Variants in EPHA6 observed in about 807,000 individuals in gnomAD.
EPHA6 encodes the protein EPH receptor A6, also known as ephrin type-A receptor 6.
EPHA6 carries 50 observed loss-of-function variants against 112.0 expected under a neutral mutation model. The observed-to-expected ratio is 0.45, with a 90% CI of 0.36 to 0.56. EPHA6 has a LOEUF of 0.56. Ranked by LOEUF, EPHA6 falls within the 20% of genes least tolerant of loss-of-function variation. The pLI is 0.00. For missense variants in EPHA6, 1,280 were observed against 1,417.4 expected (o/e 0.90, Z 1.56); for synonymous variants, 529 against 490.7 (o/e 1.08, Z -1.03).
At chr3:97,231,259 A>G (rs148697074) in intron 4 of EPHA6, among the ~76,000 whole-genome samples, 85 of 152,310 alleles carry the variant, frequency 5.6e-4, no homozygotes, top group Admixed American at 1.1e-3. Context: ...GTCCAGACCC[A>G]GGAAGCTTTC....
At chr3:96,896,448 G>C (rs2038274839) in intron 2 of EPHA6, among the ~76,000 whole-genome samples, 1 of 152,110 alleles carries the variant, frequency 6.6e-6, no homozygotes, top group Non-Finnish European at 1.5e-5. Context: ...AGTGGGCAAT[G>C]AAATGGTGTA....
chr3:96,963,253 C>A (rs567022187), intron 2 of EPHA6, among the ~76,000 whole-genome samples: 1 of 150,684 alleles, frequency 6.6e-6, no homozygotes, highest in South Asian at 2.1e-4. Context: ...GCAAAGAAAA[C>A]GTTTTCATTT....
At chr3:97,343,343 G>A (rs2083400643) in intron 5 of EPHA6, among the ~76,000 whole-genome samples, 2 of 152,124 alleles carry the variant, frequency 1.3e-5, no homozygotes, top group Non-Finnish European at 2.9e-5. Flanking sequence ...GAAGTTGGGT[G>A]TTTAATTGAG....
At chr3:97,578,785 T>A (rs1426072107) in intron 11 of EPHA6, among the ~76,000 whole-genome samples, 7 of 152,204 alleles carry the variant, frequency 4.6e-5, no homozygotes, top group Admixed American at 2.0e-4. Flanking sequence ...ATTTAAAAAA[T>A]TTCAGGGAAC....
intron 2 of EPHA6, among the ~76,000 whole-genome samples, chr3:96,934,364 A>C (rs963627048): frequency 1.3e-5 from 2 of 151,668 alleles, no homozygotes; most frequent in African/African-American, 2.4e-5. Context: ...TTATTATTAA[A>C]TATATTAGCA....
At chr3:97,511,842 T>C (rs189683399) in intron 10 of EPHA6, among the ~76,000 whole-genome samples, 1 of 152,314 alleles carries the variant, frequency 6.6e-6, no homozygotes, top group Admixed American at 6.5e-5. Flanking sequence ...GCCCAGCACA[T>C]ATTTCATTAG....
chr3:96,887,045 A>G (rs1575927585), intron 2 of EPHA6, among the ~76,000 whole-genome samples: 4 of 152,154 alleles, frequency 2.6e-5, no homozygotes, highest in Admixed American at 2.6e-4. Flanking sequence ...TCCCTCCCTG[A>G]TTAGCTTATT....
intron 3 of EPHA6, among the ~76,000 whole-genome samples, chr3:97,187,580 G>A (rs553157552): frequency 2.2e-5 from 1 of 45,320 alleles, no homozygotes; most frequent in Non-Finnish European, 5.0e-5. Context: ...GTCTCAAAAC[G>A]TCAAAAAAAA....
intron 4 of EPHA6, among the ~76,000 whole-genome samples, chr3:97,228,578 T>TTATA (rs34508672): frequency 2.9e-4 from 44 of 149,582 alleles, no homozygotes; most frequent in Admixed American, 1.3e-3. Flanking sequence ...CATATAAATG[T>TTATA]TATATATATA....
intron 3 of EPHA6, among the ~76,000 whole-genome samples, chr3:97,067,710 A>G (rs1459007436): frequency 6.6e-6 from 1 of 152,110 alleles, no homozygotes; most frequent in Admixed American, 6.6e-5. Context: ...ATGAGGAACA[A>G]GAATAAGACA....
chr3:97,273,125 A>G lies in EPHA6; in HGVS notation c.1606+28838A>G, dbSNP rs559540689. Among the ~76,000 whole-genome samples the G allele has an allele frequency of 3.0e-4, 46 of 152,266 alleles. 1 individual carries two copies. In the East Asian group the frequency reaches 6.6e-3, roughly 22 times the overall value. ...GGTGATGGCCTGGATATGGTTTTGTATGAATTGAAAAACTAAACAGAATAA... is the reference window on the plus strand; with the variant it reads ...GGTGATGGCCTGGATATGGTTTTGTGTGAATTGAAAAACTAAACAGAATAA... On this transcript the variant is annotated intron_variant, in intron 5 of 17. Transcript: ENST00000389672.
chr3:97,678,267 A>C (rs1436735096), intron 14 of EPHA6, among the ~76,000 whole-genome samples: 1 of 152,178 alleles, frequency 6.6e-6, no homozygotes, highest in Middle Eastern at 3.2e-3. Context: ...ATGACATGAA[A>C]ATTGTGCAGA....
intron 7 of EPHA6, among the ~76,000 whole-genome samples, chr3:97,457,948 G>C (rs1577467285): frequency 6.6e-6 from 1 of 151,350 alleles, no homozygotes; most frequent in Non-Finnish European, 1.5e-5. Flanking sequence ...GGCGCCAGTA[G>C]TCCCAGCTAC....
chr3:97,052,415 A>T (rs984590709), intron 3 of EPHA6, among the ~76,000 whole-genome samples: 4 of 151,678 alleles, frequency 2.6e-5, no homozygotes, highest in South Asian at 2.1e-4. Flanking sequence ...AAAGACTTTA[A>T]TTTTTTTTTC....
intron 6 of EPHA6, among the ~76,000 whole-genome samples, chr3:97,442,091 T>G (rs1323169233): frequency 6.6e-6 from 1 of 152,112 alleles, no homozygotes; most frequent in Non-Finnish European, 1.5e-5. Context: ...CAAGGCAACT[T>G]AGAAACAAGA....
chr3:97,142,076 C>T (rs887711231), intron 3 of EPHA6, among the ~76,000 whole-genome samples: 2 of 151,834 alleles, frequency 1.3e-5, no homozygotes, highest in African/African-American at 4.8e-5. Context: ...CATTTACAAA[C>T]GATAGTAAGT....
intron 11 of EPHA6, among the ~76,000 whole-genome samples, chr3:97,590,445 G>T (rs908761337): frequency 2.0e-5 from 3 of 151,990 alleles, no homozygotes; most frequent in African/African-American, 7.3e-5. Context: ...TAAAATAATG[G>T]GTATCTTTTA....
intron 14 of EPHA6, among the ~76,000 whole-genome samples, chr3:97,649,306 G>A (rs926604007): frequency 1.5e-4 from 23 of 152,058 alleles, no homozygotes; most frequent in African/African-American, 5.3e-4. Flanking sequence ...TCACTACCAC[G>A]ACAACAGTAT....
At chr3:96,942,826 G>A (rs2041045581) in intron 2 of EPHA6, among the ~76,000 whole-genome samples, 1 of 152,080 alleles carries the variant, frequency 6.6e-6, no homozygotes, top group Non-Finnish European at 1.5e-5. Context: ...CCTAAGCCTA[G>A]GAGAACTCTG....
Sources: allele counts gnomAD v4.1 joint callset (sites outside exome capture counted in the v4.1 genomes callset), GRCh38; gene constraint gnomAD v4.1.1; transcripts MANE v1.5; gene names NCBI Gene and HGNC (gene_info 2026-07-23, HGNC 2026-07-21).